Variants in RELL2 observed in about 807,000 individuals in gnomAD.
RELL2 encodes the protein RELT like 2.
In RELL2, 18 loss-of-function variants were observed where a neutral mutation model predicts 27.5. That is an observed-to-expected ratio of 0.65 (90% CI 0.45 to 0.97). RELL2 has a LOEUF of 0.97. RELL2 is among the 50% of genes least tolerant of loss of function. The probability of loss-of-function intolerance (pLI) is 0.00; values close to 1 mark genes in which losing one functional copy is unlikely to be tolerated. For synonymous variants in RELL2, 156 were observed against 147.5 expected (o/e 1.06, Z -0.42); for missense variants, 370 against 397.5 (o/e 0.93, Z 0.59).
chr5:141,640,418 C>A lies in RELL2; in HGVS notation c.886C>A (p.Leu296Ile), dbSNP rs1385805923. 3.1e-6 allele frequency: 5 copies of A among 1,614,064 alleles called. No homozygotes were observed. Among genetic ancestry groups the A allele is most frequent in the Non-Finnish European group, 3.4e-6 (4 of 1,180,028 alleles). Reference sequence around the variant, plus strand: ...CCCCTCCCCTTTCTCTCAGGTGTCTCTACCACAGGGAGCAGGGAGTATGTG... The same window carrying A: ...CCCCTCCCCTTTCTCTCAGGTGTCTATACCACAGGGAGCAGGGAGTATGTG... Reference protein sequence around the residue: ...KPDTSDHQVSLPQGAGSM With the variant: ...KPDTSDHQVSIPQGAGSM The change falls in exon 6 of 7, where the codon CTA becomes ATA. Residue 296 changes from leucine to isoleucine, a missense_variant. By Grantham distance (5) the Leu-to-Ile change is conservative. Coordinates refer to ENST00000297164, the MANE Select transcript of RELL2 (RefSeq NM_173828.5).
chr5:141,640,572 G>A, intron 6 of RELL2, 99 bp from the exon 7 acceptor site: 3 of 1,556,892 alleles, frequency 1.9e-6, no homozygotes, highest in East Asian at 2.4e-5. Context: ...TAAATCCCTT[G>A]GTTTGGTGGT....
At position 141,639,705 on chromosome 5, in the gene RELL2, C is replaced by T; in HGVS notation, c.503+56C>T. 3 of 1,498,454 alleles carry T rather than the reference C, an allele frequency of 2.0e-6. No homozygotes were observed. The highest frequency in any genetic ancestry group is 2.7e-6 in the Non-Finnish European group (3 of 1,103,634). 92.8% of individuals were successfully genotyped at this position (1,498,454 alleles called of 1,614,324 possible). A position where few individuals can be genotyped will look rare whatever the true frequency, so the allele number is the denominator to read the frequency against. On this transcript the variant is annotated intron_variant, in intron 4 of 6. Coordinates refer to ENST00000297164, the MANE Select transcript of RELL2 (RefSeq NM_173828.5). This position sits in a 1 kb window ranked among gnomAD's most constrained non-coding sequence, Gnocchi z 4.4. The stretch of plus-strand genomic sequence containing the variant: ...TGAGGTAGGGGGCCCAGTGATCAGG[C>T]ACCTGATCCCAAAAGTGGGCCTTGG...
Position 141,640,783 on chromosome 5 carries a change from C to T in RELL2, c.*114C>T. ...CCCCCCAGCTGAGGGACCAGCTCTA[C>T]TTCCACCTGGAGTTGCACAGTCTCA... is the stretch of plus-strand genomic sequence containing the variant. On this transcript the variant is annotated 3_prime_UTR_variant, in exon 7 of 7. Coordinates refer to ENST00000297164, the MANE Select transcript of RELL2 (RefSeq NM_173828.5). The T allele has an allele frequency of 9.7e-7, 1 of 1,028,388 alleles. No homozygotes were observed. The highest frequency in any genetic ancestry group is 1.4e-6 in the Non-Finnish European group (1 of 716,210). 63.7% of individuals were successfully genotyped at this position (1,028,388 alleles called of 1,614,324 possible).
chr5:141,638,597 AG>A (rs2099906450), intron 1 of RELL2, among the ~76,000 whole-genome samples, 188 bp downstream of exon 1: 1 of 152,244 alleles, frequency 6.6e-6, no homozygotes, highest in Non-Finnish European at 1.5e-5. Context: ...CAGCATGGGC[AG>A]GAACGGTCCT....
chr5:141,638,325 A>C lies in RELL2; in HGVS notation c.100A>C (p.Met34Leu). The change falls in exon 1 of 7, where the codon ATG (methionine) becomes CTG (leucine). Residue 34 changes from methionine to leucine, a missense_variant. Coordinates refer to ENST00000297164, the MANE Select transcript of RELL2 (RefSeq NM_173828.5). The part of the protein sequence containing the change: ...VFFLMGLVGF[M>L]ICHVLKKKGY... ...CTTCCTCATGGGCCTGGTAGGCTTC[A>C]TGATCTGCCACGTGCTCAAGAAGAA... 1 of 1,613,982 alleles carries C rather than the reference A, an allele frequency of 6.2e-7. No individual in the cohort carries two copies. Among genetic ancestry groups the C allele is most frequent in the Non-Finnish European group, 8.5e-7 (1 of 1,179,994 alleles).
Position 141,639,014 on chromosome 5 carries a change from C to A in RELL2, c.310C>A (p.Leu104Met). The A allele has an allele frequency of 6.2e-7, 1 of 1,613,770 alleles. No individual in the cohort carries two copies. The highest frequency in any genetic ancestry group is 8.5e-7 in the Non-Finnish European group (1 of 1,179,844). The change falls in exon 3 of 7, where the codon CTG becomes ATG. Residue 104 changes from leucine to methionine, a missense_variant. Leu to Met is a conservative substitution (Grantham distance 15). Coordinates refer to ENST00000297164, the MANE Select transcript of RELL2 (RefSeq NM_173828.5). This position sits in a 1 kb window ranked among gnomAD's most constrained non-coding sequence, Gnocchi z 4.4. ...GDSEGEGTVQ[L>M]SSVDATSSLQ... ...CAGTGAAGGAGAAGGGACAGTGCAG[C>A]TGTCCAGGTGAGCTGGAAACAAGGG... is the stretch of plus-strand genomic sequence containing the variant.
At chr5:141,638,505 C>T in intron 1 of RELL2, 96 bp downstream of exon 1, 1 of 1,200,144 alleles carries the variant, frequency 8.3e-7, no homozygotes, top group Admixed American at 2.4e-5. Context: ...AAATCCTGAT[C>T]AAACCTGCTC....
rs1446337058 is a variant in RELL2, at chr5:141,638,359, G to T, written c.134G>T (p.Arg45Leu). Residue 45 changes from arginine to leucine, a missense_variant, in exon 1 of 7, where the codon CGC (arginine) becomes CTC (leucine). By Grantham distance (102) the Arg-to-Leu change is moderately radical (BLOSUM62 -2). Transcript: ENST00000297164. ...CACGTGCTCAAGAAGAAGGGCTACCGCTGCCGCACGTCGAGGGGCTCTGAG... is the reference window on the plus strand; with the variant it reads ...CACGTGCTCAAGAAGAAGGGCTACCTCTGCCGCACGTCGAGGGGCTCTGAG... ...ICHVLKKKGY[R>L]CRTSRGSEPD... 6.2e-7 allele frequency: 1 copy of T among 1,613,712 alleles called. No homozygotes were observed. Among genetic ancestry groups the T allele is most frequent in the Non-Finnish European group, 8.5e-7 (1 of 1,179,970 alleles).
chr5:141,639,330 A>G lies in RELL2; in HGVS notation c.318-134A>G. The G allele has an allele frequency of 2.9e-6, 2 of 693,820 alleles. No individual in the cohort carries two copies. Among genetic ancestry groups the G allele is most frequent in the Non-Finnish European group, 4.8e-6 (2 of 420,176 alleles). 43.0% of individuals were successfully genotyped at this position (693,820 alleles called of 1,614,324 possible). A position where few individuals can be genotyped will look rare whatever the true frequency, so the allele number is the denominator to read the frequency against. ...CATCTTAATATTGAGTTTATTAGAT[A>G]AAGACAAGAAAAAATGGGGCTTGGG... On this transcript the variant is annotated intron_variant, in intron 3 of 6. Transcript: ENST00000297164. The surrounding 1 kb of genome is among the most constrained non-coding windows in gnomAD (Gnocchi z 4.4).
In RELL2 at chr5:141,639,160, G is replaced by A. The variant is rs561193305; in HGVS notation, c.317+139G>A. 77 of 718,012 alleles carry A rather than the reference G, an allele frequency of 1.1e-4. 3 individuals are homozygous for A. In the South Asian group the frequency reaches 1.4e-3, roughly 13 times the overall value. 44.5% of individuals were successfully genotyped at this position (718,012 alleles called of 1,614,324 possible). ...CTGGCTAACTTATAGGAAGAAAGTTGTTTTGTAGAAATCGCGATTCCTTCA... is the reference window on the plus strand; with the variant it reads ...CTGGCTAACTTATAGGAAGAAAGTTATTTTGTAGAAATCGCGATTCCTTCA... On this transcript the variant is annotated intron_variant, in intron 3 of 6. Coordinates refer to ENST00000297164, the MANE Select transcript of RELL2 (RefSeq NM_173828.5). The surrounding 1 kb of genome is among the most constrained non-coding windows in gnomAD (Gnocchi z 4.4).
chr5:141,641,004 C>T lies in RELL2; in HGVS notation c.*335C>T, dbSNP rs1490491236. Reference sequence around the variant, plus strand: ...CCCTGCCCTCTTAGCACAAGAGGCCCAGGCCCTGGCCTGGCCTTCGTGCCC... The same window carrying T: ...CCCTGCCCTCTTAGCACAAGAGGCCTAGGCCCTGGCCTGGCCTTCGTGCCC... On this transcript the variant is annotated 3_prime_UTR_variant, in exon 7 of 7. Transcript: ENST00000297164. 1.2e-5 allele frequency: 5 copies of T among 416,570 alleles called. No individual in the cohort carries two copies. In the East Asian group the frequency reaches 1.5e-4, roughly 12 times the overall value. 25.8% of individuals were successfully genotyped at this position (416,570 alleles called of 1,614,324 possible).
rs1316214940 is a variant in RELL2, at chr5:141,639,570, C to T, written c.424C>T (p.Pro142Ser). The change falls in exon 4 of 7, where the codon CCA (proline) becomes TCA (serine). Residue 142 changes from proline (P) to serine (S), a missense_variant. By Grantham distance (74) the Pro-to-Ser change is moderately conservative (BLOSUM62 -1). Transcript: ENST00000297164. This position sits in a 1 kb window ranked among gnomAD's most constrained non-coding sequence, Gnocchi z 4.4. ...CLHCSRSKRP[P>S]LVRQGRSKEG... ...CCATTGCAGCCGCAGCAAGAGGCCTCCACTTGTCCGTCAGGGACGCTCCAA... is the reference window on the plus strand; with the variant it reads ...CCATTGCAGCCGCAGCAAGAGGCCTTCACTTGTCCGTCAGGGACGCTCCAA... 1 of 1,614,092 alleles carries T rather than the reference C, an allele frequency of 6.2e-7. No homozygotes were observed. The highest frequency in any genetic ancestry group is 1.7e-5 in the Admixed American group (1 of 60,030).
rs2099906152 is a variant in RELL2, at chr5:141,637,095, T to G, written c.-1131T>G. 6.6e-6 allele frequency: 2 copies of G among 305,270 alleles called. No individual in the cohort carries two copies. The highest frequency in any genetic ancestry group is 5.4e-5 in the East Asian group (1 of 18,624). The allele number at this position is 305,270 out of a possible 1,614,324, so 18.9% of individuals were successfully genotyped here. On this transcript the variant is annotated 5_prime_UTR_variant, in exon 1 of 7. Coordinates refer to ENST00000297164, the MANE Select transcript of RELL2 (RefSeq NM_173828.5). ...GTCAGATCCTCGGGAAGCCGAGCCA[T>G]CCCATCCAGCCGCTTGCCCCAAACC...
In RELL2 at chr5:141,641,043, A is replaced by T; in HGVS notation, c.*374A>T. 3 of 346,990 alleles carry T rather than the reference A, an allele frequency of 8.6e-6. No homozygotes were observed. 21.5% of individuals were successfully genotyped at this position (346,990 alleles called of 1,614,324 possible). On this transcript the variant is annotated 3_prime_UTR_variant, in exon 7 of 7. Coordinates refer to ENST00000297164, the MANE Select transcript of RELL2 (RefSeq NM_173828.5). ...GCCTTCGTGCCCTTTATTCATTGTC[A>T]ATAAATCCGCTCAGACCATTACAGC...
rs2099906627 is a variant in RELL2 at position 141,639,838 on chromosome 5, C to T, written c.504-82C>T. The T allele has an allele frequency of 8.7e-6, 13 of 1,489,414 alleles. No individual in the cohort carries two copies. Among genetic ancestry groups the T allele is most frequent in the Non-Finnish European group, 1.1e-5 (12 of 1,074,814 alleles). The allele number at this position is 1,489,414 out of a possible 1,614,324, so 92.3% of individuals were successfully genotyped here. A position where few individuals can be genotyped will look rare whatever the true frequency, so the allele number is the denominator to read the frequency against. ...AGGCCAGAGGGAAGTAGCCACCAAACTCAGGATGTCCCTGGTCAGAGGGGA... is the reference window on the plus strand; with the variant it reads ...AGGCCAGAGGGAAGTAGCCACCAAATTCAGGATGTCCCTGGTCAGAGGGGA... On this transcript the variant is annotated intron_variant, in intron 4 of 6. Coordinates refer to ENST00000297164, the MANE Select transcript of RELL2 (RefSeq NM_173828.5). The surrounding 1 kb of genome is among the most constrained non-coding windows in gnomAD (Gnocchi z 4.4).
At position 141,637,966 on chromosome 5, in the gene RELL2, C is replaced by T. The variant is rs966378065; in HGVS notation, c.-260C>T. On this transcript the variant is annotated 5_prime_UTR_variant, in exon 1 of 7. It adds an upstream start codon to the 5' untranslated region. Transcript: ENST00000297164. ...AGCGCGAACAAGCTGGAAAGGGGAA[C>T]GCTCGGGGCGTCGGGGAAGCGGGAC... is the stretch of plus-strand genomic sequence containing the variant. 7 of 423,968 alleles carry T rather than the reference C, an allele frequency of 1.7e-5. No individual in the cohort carries two copies. The highest frequency in any genetic ancestry group is 1.2e-4 in the East Asian group (3 of 24,778). The allele number at this position is 423,968 out of a possible 1,614,324, so 26.3% of individuals were successfully genotyped here. A position where few individuals can be genotyped will look rare whatever the true frequency, so the allele number is the denominator to read the frequency against.
At position 141,639,721 on chromosome 5, in the gene RELL2, T is replaced by C. The variant is rs1346534916; in HGVS notation, c.503+72T>C. On this transcript the variant is annotated intron_variant, in intron 4 of 6. Transcript: ENST00000297164. This position sits in a 1 kb window ranked among gnomAD's most constrained non-coding sequence, Gnocchi z 4.4. ...GTGATCAGGCACCTGATCCCAAAAG[T>C]GGGCCTTGGCTCTTTCCTCCTGGAC... 3.4e-6 allele frequency: 5 copies of C among 1,462,810 alleles called. No individual in the cohort carries two copies. In the African/African-American group the frequency reaches 7.1e-5, roughly 21 times the overall value. 90.6% of individuals were successfully genotyped at this position (1,462,810 alleles called of 1,614,324 possible).
Position 141,639,016 on chromosome 5 carries a change from G to A in RELL2, c.312G>A (p.Leu104=), listed in dbSNP as rs759638479. 6.2e-7 allele frequency: 1 copy of A among 1,613,736 alleles called. No individual in the cohort carries two copies. Among genetic ancestry groups the A allele is most frequent in the South Asian group, 1.1e-5 (1 of 91,042 alleles). Residue 104 remains leucine (L), a synonymous_variant, in exon 3 of 7, where the codon CTG becomes CTA. Transcript: ENST00000297164. The surrounding 1 kb of genome is among the most constrained non-coding windows in gnomAD (Gnocchi z 4.4). ...GTGAAGGAGAAGGGACAGTGCAGCT[G>A]TCCAGGTGAGCTGGAAACAAGGGCC... ...GDSEGEGTVQ[L]SSVDATSSLQ... is the part of the protein sequence containing the mutation.
rs1325281755 is a variant in RELL2 at position 141,637,590 on chromosome 5, C to G, written c.-636C>G. The G allele has an allele frequency of 6.5e-6, 1 of 152,788 alleles. No homozygotes were observed. Among genetic ancestry groups the G allele is most frequent in the Admixed American group, 6.5e-5 (1 of 15,294 alleles). The allele number at this position is 152,788 out of a possible 1,614,324, so 9.5% of individuals were successfully genotyped here. A position where few individuals can be genotyped will look rare whatever the true frequency, so the allele number is the denominator to read the frequency against. On this transcript the variant is annotated 5_prime_UTR_variant, in exon 1 of 7. The change creates a new upstream start codon in the 5' untranslated region. Coordinates refer to ENST00000297164, the MANE Select transcript of RELL2 (RefSeq NM_173828.5). ...CCCCCGCCTGCCACGGCGCGGGTAT[C>G]CGCAGCCACAGCCCGGGGCCGGTGA... is the stretch of plus-strand genomic sequence containing the variant.
Sources: gnomAD v4.1 joint callset for allele counts (sites outside exome capture counted in the v4.1 genomes callset) on GRCh38, gnomAD v4.1.1 for gene constraint, Gnocchi (gnomAD v3.1) non-coding constraint, MANE v1.5 for transcripts, NCBI Gene and HGNC (gene_info 2026-07-23, HGNC 2026-07-21) for gene names.